MACROD2: variants seen among roughly 807,000 people sequenced by gnomAD.
MACROD2 encodes the protein mono-ADP ribosylhydrolase 2, also known as ADP-ribose glycohydrolase MACROD2.
MACROD2 carries 36 observed loss-of-function variants against 70.4 expected under a neutral mutation model. The observed-to-expected ratio is 0.51, with a 90% CI of 0.39 to 0.68. The LOEUF is 0.68. MACROD2 is among the 30% of genes least tolerant of loss of function. The probability of loss-of-function intolerance (pLI) is 0.00; values close to 1 mark genes in which losing one functional copy is unlikely to be tolerated. For synonymous variants in MACROD2, 172 were observed against 178.8 expected (o/e 0.96, Z 0.30); for missense variants, 496 against 538.4 (o/e 0.92, Z 0.78).
At chr20:14,911,230 C>T (rs1273545152) in intron 5 of MACROD2, among the ~76,000 whole-genome samples, 4 of 152,180 alleles carry the variant, frequency 2.6e-5, no homozygotes, top group Non-Finnish European at 5.9e-5. Context: ...ATAGTTTAAC[C>T]AGTTCCTTGG....
intron 6 of MACROD2, among the ~76,000 whole-genome samples, chr20:15,421,856 A>G (rs1342487928): frequency 6.6e-6 from 1 of 152,210 alleles, no homozygotes; most frequent in East Asian, 1.9e-4. Context: ...TGGTGATGGG[A>G]GTTGTAAAGA....
At chr20:15,623,807 A>G (rs2049164055) in intron 8 of MACROD2, among the ~76,000 whole-genome samples, 1 of 152,162 alleles carries the variant, frequency 6.6e-6, no homozygotes, top group Non-Finnish European at 1.5e-5. Context: ...CTATCTCTAG[A>G]TAAATATATA....
chr20:15,112,709 C>T (rs1055228013), intron 5 of MACROD2, among the ~76,000 whole-genome samples: 12 of 152,116 alleles, frequency 7.9e-5, no homozygotes, highest in Admixed American at 3.9e-4. Context: ...TACATTCACA[C>T]GGTAGTGCGG....
chr20:15,835,129 C>T (rs1171508039), intron 8 of MACROD2, among the ~76,000 whole-genome samples: 1 of 152,212 alleles, frequency 6.6e-6, no homozygotes, highest in Non-Finnish European at 1.5e-5. Flanking sequence ...GTGAATACCA[C>T]TTTGTAAACA....
chr20:15,661,489 A>G (rs991121603), intron 8 of MACROD2, among the ~76,000 whole-genome samples: 3 of 152,130 alleles, frequency 2.0e-5, no homozygotes, highest in African/African-American at 4.8e-5. Context: ...AACTCATCCA[A>G]TCTCTCGAGA....
chr20:15,431,281 C>G, intron 6 of MACROD2, 124 bp from the exon 7 acceptor site: 1 of 807,176 alleles, frequency 1.2e-6, no homozygotes, highest in Non-Finnish European at 2.1e-6. Context: ...CCTACTCCAA[C>G]TCATAGCTCT....
At chr20:15,080,784 C>A (rs1346263427) in intron 5 of MACROD2, among the ~76,000 whole-genome samples, 1 of 152,074 alleles carries the variant, frequency 6.6e-6, no homozygotes, top group South Asian at 2.1e-4. Flanking sequence ...CACCATTCCC[C>A]ATTCTCTTCT....
intron 4 of MACROD2, among the ~76,000 whole-genome samples, chr20:14,501,369 TTTTAA>T (rs945327133): frequency 6.6e-6 from 1 of 152,128 alleles, no homozygotes; most frequent in Non-Finnish European, 1.5e-5. Context: ...CATAGTTTGA[TTTTAA>T]TTTATTAATA....
intron 3 of MACROD2, among the ~76,000 whole-genome samples, chr20:14,307,683 G>A (rs886694566): frequency 1.3e-5 from 2 of 152,088 alleles, no homozygotes; most frequent in East Asian, 3.9e-4. Flanking sequence ...CTGTATTTCT[G>A]AGTGAGAAAG....
intron 2 of MACROD2, chr20:14,051,968 A>G (rs1157946823): frequency 3.9e-6 from 2 of 514,550 alleles, no homozygotes; most frequent in Non-Finnish European, 7.8e-6. Flanking sequence ...GGCATGGGAA[A>G]GAGTGCCTGA....
intron 3 of MACROD2, among the ~76,000 whole-genome samples, chr20:14,302,899 G>A (rs1021681708): frequency 6.6e-6 from 1 of 152,016 alleles, no homozygotes; most frequent in Non-Finnish European, 1.5e-5. Context: ...TGACCCACCC[G>A]CCTCGGACTC....
chr20:15,715,307 G>T (rs1353831706), intron 8 of MACROD2, among the ~76,000 whole-genome samples: 1 of 152,056 alleles, frequency 6.6e-6, no homozygotes, highest in East Asian at 1.9e-4. Flanking sequence ...GTCAGCAAAC[G>T]TGTATTTCCA....
chr20:14,689,829 A>G (rs1342607572), intron 5 of MACROD2, among the ~76,000 whole-genome samples: 2 of 152,202 alleles, frequency 1.3e-5, no homozygotes, highest in African/African-American at 4.8e-5. Flanking sequence ...TCCCACTTTT[A>G]TAACAGAGTA....
chr20:14,169,982 T>C (rs2081206823), intron 3 of MACROD2, among the ~76,000 whole-genome samples: 1 of 151,688 alleles, frequency 6.6e-6, no homozygotes. Flanking sequence ...CAATCTCCAC[T>C]TCCCAAGTTC....
At chr20:14,927,457 A>T (rs1218182402) in intron 5 of MACROD2, among the ~76,000 whole-genome samples, 1 of 152,168 alleles carries the variant, frequency 6.6e-6, no homozygotes, top group African/African-American at 2.4e-5. Context: ...CAGGGGCCAG[A>T]AACTCTGGCA....
intron 2 of MACROD2, among the ~76,000 whole-genome samples, chr20:14,038,348 G>A (rs1245918566): frequency 1.3e-5 from 2 of 151,964 alleles, no homozygotes; most frequent in Non-Finnish European, 2.9e-5. Flanking sequence ...TGTGTGCCAG[G>A]TATAGTTGTG....
chr20:15,934,650 T>G (rs2147323265), intron 11 of MACROD2, among the ~76,000 whole-genome samples: 1 of 152,238 alleles, frequency 6.6e-6, no homozygotes, highest in Non-Finnish European at 1.5e-5. Flanking sequence ...ATTCACTCAC[T>G]ATCGTGTCCC....
chr20:14,603,862 A>G (rs1982643066), intron 4 of MACROD2, among the ~76,000 whole-genome samples: 1 of 152,148 alleles, frequency 6.6e-6, no homozygotes, highest in Non-Finnish European at 1.5e-5. Context: ...TTAAAATCTC[A>G]TATTATTCAT....
chr20:14,686,359 A>C (rs2071002379), intron 5 of MACROD2, among the ~76,000 whole-genome samples: 1 of 152,172 alleles, frequency 6.6e-6, no homozygotes, highest in Non-Finnish European at 1.5e-5. Context: ...GATATTATAC[A>C]ATATTTTAAA....
Sources: gnomAD v4.1 joint callset for allele counts (sites outside exome capture counted in the v4.1 genomes callset) on GRCh38, gnomAD v4.1.1 for gene constraint, MANE v1.5 for transcripts, NCBI Gene and HGNC (gene_info 2026-07-23, HGNC 2026-07-21) for gene names.